Variants in CDK17 observed in about 807,000 individuals in gnomAD.
CDK17 encodes the protein cyclin dependent kinase 17, also known as cyclin-dependent kinase 17.
In CDK17, 24 loss-of-function variants were observed where a neutral mutation model predicts 77.6. The observed-to-expected ratio is 0.31, with a 90% CI of 0.22 to 0.44. CDK17 has a LOEUF of 0.44. Among genes scored for constraint, CDK17 ranks in the 20% least tolerant of loss-of-function variants. The probability of loss-of-function intolerance (pLI) is 1.00; values close to 1 mark genes in which losing one functional copy is unlikely to be tolerated. For synonymous variants in CDK17, 203 were observed against 210.4 expected (o/e 0.96, Z 0.30); for missense variants, 429 against 622.5 (o/e 0.69, Z 3.31).
At chr12:96,369,337 G>GA (rs1418017847) in intron 1 of CDK17, among the ~76,000 whole-genome samples, 3 of 151,712 alleles carry the variant, frequency 2.0e-5, no homozygotes, top group African/African-American at 7.3e-5. Flanking sequence ...TAAAAGTAAA[G>GA]AAAAAACTTG....
At position 96,334,737 on chromosome 12, in the gene CDK17, T is replaced by G; in HGVS notation, c.100A>C (p.Asn34His). The G allele has an allele frequency of 6.3e-7, 1 of 1,598,650 alleles. No homozygotes were observed. ...TATTTACCATTATCCTTGCTGCTGT[T>G]TTCTTCAATAGTCATTTGTTCAGCC... ...ELAEQMTIEE[N>H]SSKDNEPIVK... is the part of the protein sequence containing the mutation. Residue 34 changes from asparagine to histidine, a missense_variant, in exon 2 of 17, where the codon AAC (asparagine) becomes CAC (histidine). Coordinates refer to ENST00000261211, the MANE Select transcript of CDK17 (RefSeq NM_002595.5).
At chr12:96,375,509 C>T (rs948147797) in intron 1 of CDK17, among the ~76,000 whole-genome samples, 1 of 137,054 alleles carries the variant, frequency 7.3e-6, no homozygotes, top group African/African-American at 2.7e-5. Flanking sequence ...CTGATCCTAA[C>T]CTTTTTTTTT....
At chr12:96,329,436 T>C (rs977593129) in intron 2 of CDK17, among the ~76,000 whole-genome samples, 1 of 152,182 alleles carries the variant, frequency 6.6e-6, no homozygotes, top group Middle Eastern at 3.2e-3. Flanking sequence ...ATGATTCCAC[T>C]AAGAAACGTT....
intron 1 of CDK17, among the ~76,000 whole-genome samples, chr12:96,376,136 T>C (rs143091061): frequency 6.6e-6 from 1 of 152,350 alleles, no homozygotes; most frequent in Non-Finnish European, 1.5e-5. Context: ...AGGAAACTCC[T>C]GCTCAGGCAG....
At chr12:96,333,643 C>T (rs1325338064) in intron 2 of CDK17, among the ~76,000 whole-genome samples, 2 of 145,840 alleles carry the variant, frequency 1.4e-5, no homozygotes, top group African/African-American at 5.2e-5. Flanking sequence ...CACTGCACTC[C>T]AGCCTGGGCA....
intron 1 of CDK17, among the ~76,000 whole-genome samples, chr12:96,348,308 T>C (rs1398931518): frequency 6.6e-6 from 1 of 151,958 alleles, no homozygotes; most frequent in Non-Finnish European, 1.5e-5. Context: ...GTGGACCACC[T>C]GAGGTCAGGA....
intron 1 of CDK17, among the ~76,000 whole-genome samples, chr12:96,380,282 G>GTTTTTTTTTTTT (rs1565843800): frequency 8.6e-6 from 1 of 116,200 alleles, no homozygotes; most frequent in Admixed American, 8.6e-5. Flanking sequence ...CTTTTTAGCT[G>GTTTTTTTTTTTT]GTTTTTTTTT....
chr12:96,310,058 A>C (rs1952627126), intron 5 of CDK17, among the ~76,000 whole-genome samples: 1 of 152,174 alleles, frequency 6.6e-6, no homozygotes, highest in East Asian at 1.9e-4. Flanking sequence ...GGTAATAGCC[A>C]AAAACCGAAA....
intron 5 of CDK17, among the ~76,000 whole-genome samples, chr12:96,303,923 T>C (rs533657296): frequency 4.1e-4 from 62 of 152,330 alleles, no homozygotes; most frequent in South Asian, 1.4e-3. Context: ...CAGACAGCAC[T>C]GAAACCTGTA....
intron 10 of CDK17, among the ~76,000 whole-genome samples, chr12:96,294,419 G>A (rs1480313957): frequency 1.3e-5 from 2 of 151,002 alleles, no homozygotes; most frequent in African/African-American, 2.4e-5. Context: ...TGGTGGTCAC[G>A]CTAAAAATAC....
chr12:96,345,298 T>C (rs1953187976), intron 1 of CDK17, among the ~76,000 whole-genome samples: 1 of 152,236 alleles, frequency 6.6e-6, no homozygotes. Context: ...TACACATGCA[T>C]GTATCTTTGT....
At chr12:96,374,772 G>T (rs931055570) in intron 1 of CDK17, among the ~76,000 whole-genome samples, 3 of 152,210 alleles carry the variant, frequency 2.0e-5, no homozygotes, top group African/African-American at 4.8e-5. Flanking sequence ...TTTCAAGCAA[G>T]TGAGGTCATG....
At chr12:96,315,422 G>C (rs1952697549) in intron 3 of CDK17, among the ~76,000 whole-genome samples, 1 of 152,110 alleles carries the variant, frequency 6.6e-6, no homozygotes, top group East Asian at 1.9e-4. Context: ...GTTATGTTGA[G>C]ATTTCCATAG....
chr12:96,308,229 T>TAA lies in CDK17; in HGVS notation c.543+2821_543+2822dup, dbSNP rs61572243. ...GGGCAACACAGTGAGATGCCATCTCTAAAAAAAAAAAAAAAAAAAAAAAGT... is the reference window on the plus strand; with the variant it reads ...GGGCAACACAGTGAGATGCCATCTCTAAAAAAAAAAAAAAAAAAAAAAAAAGT... On this transcript the variant is annotated intron_variant, in intron 5 of 16. Coordinates refer to ENST00000261211, the MANE Select transcript of CDK17 (RefSeq NM_002595.5). Among the ~76,000 whole-genome samples the TAA allele has an allele frequency of 6.6e-3, 420 of 63,522 alleles. 6 individuals carry two copies. The highest frequency in any genetic ancestry group is 0.021 in the African/African-American group (359 of 17,246). 41.7% of individuals were successfully genotyped at this position (63,522 alleles called of 152,430 possible).
intron 1 of CDK17, among the ~76,000 whole-genome samples, chr12:96,337,247 G>C (rs1377547427): frequency 6.6e-6 from 1 of 151,796 alleles, no homozygotes; most frequent in Non-Finnish European, 1.5e-5. Flanking sequence ...ACTATTGAAA[G>C]CTCCATTCAA....
chr12:96,353,803 T>C (rs1953352041), intron 1 of CDK17, among the ~76,000 whole-genome samples: 1 of 152,134 alleles, frequency 6.6e-6, no homozygotes, highest in Non-Finnish European at 1.5e-5. Flanking sequence ...CTAGTAATAA[T>C]AGTAACCATA....
chr12:96,377,466 A>C (rs1953797156), intron 1 of CDK17, among the ~76,000 whole-genome samples: 1 of 152,170 alleles, frequency 6.6e-6, no homozygotes, highest in African/African-American at 2.4e-5. Flanking sequence ...AAGGGAAAAA[A>C]CGTAAAATGC....
rs950159109 is a variant in CDK17, at chr12:96,317,926, A to G, written c.284-4472T>C. Among the ~76,000 whole-genome samples the G allele has an allele frequency of 2.8e-3, 426 of 150,434 alleles. 2 individuals carry two copies. Among genetic ancestry groups the G allele is most frequent in the African/African-American group, 9.3e-3 (384 of 41,098 alleles). ...AATCACCACCTAACATCATAATGAC[A>G]GGATCAAATTCACACATAACAATAT... On this transcript the variant is annotated intron_variant, in intron 3 of 16. Coordinates refer to ENST00000261211, the MANE Select transcript of CDK17 (RefSeq NM_002595.5).
chr12:96,299,954 A>G (rs1200212562), intron 6 of CDK17, among the ~76,000 whole-genome samples: 1 of 152,110 alleles, frequency 6.6e-6, no homozygotes. Flanking sequence ...CTTTATTCTG[A>G]TTTTTCACAG....
Sources: allele counts gnomAD v4.1 joint callset (sites outside exome capture counted in the v4.1 genomes callset), GRCh38; gene constraint gnomAD v4.1.1; transcripts MANE v1.5; gene names NCBI Gene and HGNC (gene_info 2026-07-23, HGNC 2026-07-21).